The following CADM3 variants were observed in gnomAD, a reference collection of about 807,000 sequenced individuals.
The protein encoded by CADM3 is cell adhesion molecule 3.
A neutral mutation model predicts 44.9 loss-of-function variants in CADM3; 11 were observed. The observed-to-expected ratio is 0.25, with a 90% confidence interval of 0.15 to 0.41. The LOEUF is 0.41. Among genes scored for constraint, CADM3 ranks in the 10% least tolerant of loss-of-function variants. CADM3 has a pLI of 1.00. For synonymous variants in CADM3, 207 were observed against 205.2 expected (o/e 1.01, Z -0.08); for missense variants, 426 against 512.0 (o/e 0.83, Z 1.62).
intron 4 of CADM3, 143 bp from the exon 5 acceptor site, chr1:159,193,727 C>T (rs1649769074): frequency 1.4e-6 from 2 of 1,417,030 alleles, no homozygotes; most frequent in East Asian, 4.9e-5. Flanking sequence ...CTACATTCTC[C>T]CTGCCACAAC....
At chr1:159,194,112 G>C in intron 5 of CADM3, 72 bp downstream of exon 5, 3 of 1,472,074 alleles carry the variant, frequency 2.0e-6, no homozygotes, top group Non-Finnish European at 2.8e-6. Flanking sequence ...GAATGCAGGT[G>C]ACTGTGCATG....
intron 1 of CADM3, among the ~76,000 whole-genome samples, chr1:159,181,932 C>G (rs1383154765): frequency 6.6e-6 from 1 of 152,144 alleles, no homozygotes; most frequent in East Asian, 1.9e-4. Flanking sequence ...CTCTCCAGCT[C>G]AAGAATAGGA....
intron 6 of CADM3, 40 bp downstream of exon 6, chr1:159,196,494 C>A: frequency 2.6e-6 from 4 of 1,528,862 alleles, no homozygotes; most frequent in Non-Finnish European, 3.6e-6. Context: ...TTACTCTCCA[C>A]ATTCTCAGAT....
chr1:159,188,242 C>G (rs988624376), intron 1 of CADM3, among the ~76,000 whole-genome samples: 2 of 151,812 alleles, frequency 1.3e-5, no homozygotes, highest in South Asian at 4.2e-4. Context: ...TCCCTCCCCT[C>G]TCCGGCCTCC....
intron 4 of CADM3, 21 bp downstream of exon 4, chr1:159,193,581 G>T (rs1359777037): frequency 3.1e-6 from 5 of 1,614,066 alleles, no homozygotes; most frequent in Non-Finnish European, 4.2e-6. Context: ...CCTGCCTTGG[G>T]GTTACAGGAG....
chr1:159,184,953 A>G (rs1043797223), intron 1 of CADM3, among the ~76,000 whole-genome samples: 5 of 152,210 alleles, frequency 3.3e-5, no homozygotes, highest in African/African-American at 1.2e-4. Flanking sequence ...TTGTCCTTTA[A>G]AATGCTGGAA....
intron 1 of CADM3, among the ~76,000 whole-genome samples, chr1:159,172,408 AG>A (rs1312694828): frequency 6.6e-6 from 1 of 151,988 alleles, no homozygotes; most frequent in Non-Finnish European, 1.5e-5. Flanking sequence ...TGGGCAGAGA[AG>A]GGGGCCTGGG....
intron 1 of CADM3, among the ~76,000 whole-genome samples, chr1:159,184,512 CT>C (rs1349852445): frequency 6.6e-6 from 1 of 152,134 alleles, no homozygotes; most frequent in Admixed American, 6.5e-5. Context: ...AAGTGGGACT[CT>C]GGACTCAAGC....
rs1310817488 is a variant in CADM3 at position 159,201,676 on chromosome 1, TC to T, written c.*760del. On this transcript the variant is annotated 3_prime_UTR_variant, in exon 9 of 9. Coordinates refer to ENST00000368125, the MANE Select transcript of CADM3 (RefSeq NM_001127173.3). ...GGATGGAGGTGGACTCTCACCCCAT[TC>T]CCCCCGGAAATGAACAAAGCCGGGC... 1.3e-5 allele frequency: 2 copies of T among 152,220 alleles called. No individual in the cohort carries two copies. The highest frequency in any genetic ancestry group is 2.9e-5 in the Non-Finnish European group (2 of 68,042). 9.4% of individuals were successfully genotyped at this position (152,220 alleles called of 1,614,324 possible). A position where few individuals can be genotyped will look rare whatever the true frequency, so the allele number is the denominator to read the frequency against.
rs192744900 is a variant in CADM3, at chr1:159,177,133, G to T, written c.88+5280G>T. On this transcript the variant is annotated intron_variant, in intron 1 of 8. Transcript: ENST00000368125. ...GAAGATAGGCCTAATTTTACTCACG[G>T]TAAGTTGTAGCACATTAAAAGCCCC... 1.8e-4 allele frequency among the ~76,000 whole-genome samples: 28 copies of T among 152,162 alleles called. No homozygotes were observed. In the East Asian group the frequency reaches 5.4e-3, roughly 29 times the overall value.
chr1:159,193,819 C>G (rs1463583213), intron 4 of CADM3, 51 bp from the exon 5 acceptor site: 4 of 1,598,474 alleles, frequency 2.5e-6, no homozygotes, highest in African/African-American at 2.7e-5. Flanking sequence ...TAGGTTTACT[C>G]TGTGTCTCTC....
At chr1:159,196,199 A>G (rs1300568349) in intron 5 of CADM3, 165 bp from the exon 6 acceptor site, 3 of 586,032 alleles carry the variant, frequency 5.1e-6, no homozygotes, top group Non-Finnish European at 9.2e-6. Context: ...CATATTCAAT[A>G]GCAATAATGG....
chr1:159,196,463 A>G lies in CADM3; in HGVS notation c.782+9A>G. ...GGTCGCGGCAATCCAGTGTAAGAAG[A>G]TCCATTTCCTGGTCTCCTCCTTACT... is the stretch of plus-strand genomic sequence containing the variant. On this transcript the variant is annotated intron_variant, in intron 6 of 8. Transcript: ENST00000368125. The G allele has an allele frequency of 6.2e-7, 1 of 1,611,846 alleles. No individual in the cohort carries two copies. The highest frequency in any genetic ancestry group is 8.5e-7 in the Non-Finnish European group (1 of 1,178,312).
chr1:159,196,334 T>C (rs369002363), intron 5 of CADM3, 30 bp from the exon 6 acceptor site: 2 of 1,555,984 alleles, frequency 1.3e-6, no homozygotes, highest in Non-Finnish European at 8.9e-7. Flanking sequence ...TGTGGGGAGG[T>C]ATTCATTGAT....
In CADM3 at chr1:159,200,953, G is replaced by T. The variant is rs777756236; in HGVS notation, c.*31G>T. Reference sequence around the variant, plus strand: ...CCTGCCCACTTCCTGCGCCCCCCAGGGGCCCTGTGGGGACTGCTGGGGCCG... The same window carrying T: ...CCTGCCCACTTCCTGCGCCCCCCAGTGGCCCTGTGGGGACTGCTGGGGCCG... On this transcript the variant is annotated 3_prime_UTR_variant, in exon 9 of 9. Coordinates refer to ENST00000368125, the MANE Select transcript of CADM3 (RefSeq NM_001127173.3). 6.6e-7 allele frequency: 1 copy of T among 1,511,570 alleles called. No homozygotes were observed. The highest frequency in any genetic ancestry group is 2.3e-5 in the East Asian group (1 of 42,876). 93.6% of individuals were successfully genotyped at this position (1,511,570 alleles called of 1,614,324 possible).
At chr1:159,189,395 G>T (rs1557934534) in intron 1 of CADM3, among the ~76,000 whole-genome samples, 1 of 152,158 alleles carries the variant, frequency 6.6e-6, no homozygotes, top group African/African-American at 2.4e-5. Flanking sequence ...AGAAATCTTT[G>T]GTGGTCTTTC....
Position 159,200,949 on chromosome 1 carries a change from C to T in CADM3, c.*27C>T, listed in dbSNP as rs1461262446. The T allele has an allele frequency of 6.5e-7, 1 of 1,541,554 alleles. No homozygotes were observed. On this transcript the variant is annotated 3_prime_UTR_variant, in exon 9 of 9. Coordinates refer to ENST00000368125, the MANE Select transcript of CADM3 (RefSeq NM_001127173.3). ...GGCGCCTGCCCACTTCCTGCGCCCC[C>T]CAGGGGCCCTGTGGGGACTGCTGGG...
rs112236361 is a variant in CADM3, at chr1:159,200,213, C to T, written c.1078+337C>T. Among the ~76,000 whole-genome samples, 249 of 152,278 alleles carry T rather than the reference C, an allele frequency of 1.6e-3. 4 individuals carry two copies. The highest frequency in any genetic ancestry group is 5.5e-3 in the African/African-American group (230 of 41,566). On this transcript the variant is annotated intron_variant, in intron 8 of 8. Transcript: ENST00000368125. ...AACTGCATCTCCATCTCATTGCTTC[C>T]TGCGCTTTCTTCCTTTCTGTCTGTT...
Position 159,171,751 on chromosome 1 carries a change from C to T in CADM3, c.-15C>T. ...GCTCGCCAGCGCCCAGCCAGGGAGC[C>T]GGCCGGGAAGCGCGATGGGGGCCCC... On this transcript the variant is annotated 5_prime_UTR_variant, in exon 1 of 9. Coordinates refer to ENST00000368125, the MANE Select transcript of CADM3 (RefSeq NM_001127173.3). 3 of 1,233,562 alleles carry T rather than the reference C, an allele frequency of 2.4e-6. No homozygotes were observed. Among genetic ancestry groups the T allele is most frequent in the Non-Finnish European group, 3.0e-6 (3 of 988,276 alleles). The allele number at this position is 1,233,562 out of a possible 1,614,324, so 76.4% of individuals were successfully genotyped here. A position where few individuals can be genotyped will look rare whatever the true frequency, so the allele number is the denominator to read the frequency against.
Sources: allele counts gnomAD v4.1 joint callset (sites outside exome capture counted in the v4.1 genomes callset), GRCh38; gene constraint gnomAD v4.1.1; transcripts MANE v1.5; gene names NCBI Gene and HGNC (gene_info 2026-07-23, HGNC 2026-07-21).